Variants in RIN2 observed in about 807,000 individuals in gnomAD.
RIN2 encodes the protein RAB5 interacting protein 2.
RIN2 carries 36 observed loss-of-function variants against 78.0 expected under a neutral mutation model. The ratio of observed to expected loss-of-function variants is 0.46; its 90% confidence interval spans 0.35 to 0.61. The LOEUF is 0.61. RIN2 is among the 20% of genes least tolerant of loss of function. RIN2 has a pLI of 0.00. For missense variants in RIN2, 1,087 were observed against 1,159.7 expected, an observed-to-expected ratio of 0.94 and a Z score of 0.91; for synonymous variants, 466 against 466.8, an observed-to-expected ratio of 1.00 and a Z score of 0.02.
intron 2 of RIN2, among the ~76,000 whole-genome samples, chr20:19,827,965 T>A (rs747046082): frequency 2.0e-5 from 3 of 152,188 alleles, no homozygotes; most frequent in African/African-American, 7.2e-5. Context: ...TCCAGCACAC[T>A]GTTTGGGGTA....
intron 4 of RIN2, among the ~76,000 whole-genome samples, 174 bp from the exon 5 acceptor site, chr20:19,956,441 A>T (rs2041541946): frequency 6.6e-6 from 1 of 152,068 alleles, no homozygotes; most frequent in Admixed American, 6.6e-5. Context: ...GTAAAATAAA[A>T]CATTGTGTCT....
Position 19,889,662 on chromosome 20 carries a change from AAAGG to A in RIN2, c.57+8_57+11del, listed in dbSNP as rs751151646. 3 of 1,497,642 alleles carry A rather than the reference AAAGG, an allele frequency of 2.0e-6. No homozygotes were observed. The highest frequency in any genetic ancestry group is 2.7e-6 in the Non-Finnish European group (3 of 1,116,434). The allele number at this position is 1,497,642 out of a possible 1,614,324, so 92.8% of individuals were successfully genotyped here. A position where few individuals can be genotyped will look rare whatever the true frequency, so the allele number is the denominator to read the frequency against. On this transcript the variant is annotated splice_donor_5th_base_variant and intron_variant, in intron 3 of 12. Transcript: ENST00000255006. ...CAAGCGAGGAAGTTTCTTTAAGGTA[AAAGG>A]AAGCCTTGATTGGGATCTCAACTCG...
At chr20:19,958,309 A>G (rs1477732858) in intron 5 of RIN2, among the ~76,000 whole-genome samples, 1 of 152,250 alleles carries the variant, frequency 6.6e-6, no homozygotes, top group Non-Finnish European at 1.5e-5. Flanking sequence ...TGTGAAGCCT[A>G]ACTTTCAGCC....
At chr20:19,789,174 G>A (rs979081432) in intron 1 of RIN2, among the ~76,000 whole-genome samples, 7 of 152,158 alleles carry the variant, frequency 4.6e-5, no homozygotes, top group Non-Finnish European at 8.8e-5. Flanking sequence ...GTGGAGGCGG[G>A]AGAAGAGTCT....
intron 8 of RIN2, among the ~76,000 whole-genome samples, chr20:19,973,537 C>T (rs1284018124): frequency 1.3e-5 from 2 of 152,156 alleles, no homozygotes; most frequent in African/African-American, 4.8e-5. Flanking sequence ...TCCTGTAATC[C>T]CAGCACTTTG....
At chr20:19,965,329 C>T (rs559991266) in intron 7 of RIN2, among the ~76,000 whole-genome samples, 5 of 152,304 alleles carry the variant, frequency 3.3e-5, no homozygotes, top group East Asian at 1.9e-4. Context: ...CACACACACA[C>T]GCACATATGT....
At chr20:19,903,942 G>A (rs1379975306) in intron 3 of RIN2, among the ~76,000 whole-genome samples, 1 of 152,100 alleles carries the variant, frequency 6.6e-6, no homozygotes, top group East Asian at 1.9e-4. Context: ...GCCGGTAATT[G>A]CAGGTGTTCA....
intron 4 of RIN2, among the ~76,000 whole-genome samples, chr20:19,947,022 TAAAAA>T (rs35136029): frequency 8.6e-6 from 1 of 116,164 alleles, no homozygotes; most frequent in African/African-American, 3.2e-5. Context: ...CAGACTGTCT[TAAAAA>T]AAAAAAAAAA....
intron 2 of RIN2, among the ~76,000 whole-genome samples, chr20:19,888,832 C>T (rs549852636): frequency 2.0e-5 from 3 of 152,252 alleles, no homozygotes; most frequent in African/African-American, 7.2e-5. Context: ...GCTTTGTGAC[C>T]CAAAGGGAAG....
intron 3 of RIN2, among the ~76,000 whole-genome samples, chr20:19,918,002 T>C (rs2039754622): frequency 6.6e-6 from 1 of 152,222 alleles, no homozygotes; most frequent in African/African-American, 2.4e-5. Flanking sequence ...ATATACACAT[T>C]CAGATTGTCT....
chr20:19,976,838 G>A (rs1373915108), intron 9 of RIN2, among the ~76,000 whole-genome samples: 4 of 151,070 alleles, frequency 2.6e-5, no homozygotes, highest in Admixed American at 2.0e-4. Flanking sequence ...CTCTTTCTCT[G>A]TCTCTCTCTC....
intron 2 of RIN2, among the ~76,000 whole-genome samples, chr20:19,831,577 T>C (rs1229974061): frequency 2.6e-5 from 4 of 152,286 alleles, no homozygotes; most frequent in African/African-American, 9.6e-5. Flanking sequence ...ATAGGAAGAG[T>C]AGACCGAGAT....
intron 3 of RIN2, among the ~76,000 whole-genome samples, chr20:19,903,533 C>T (rs2039080859): frequency 6.6e-6 from 1 of 152,130 alleles, no homozygotes; most frequent in Non-Finnish European, 1.5e-5. Context: ...GGGTTCTGTT[C>T]CGGGACAGCT....
At chr20:19,808,566 G>A (rs1340776720) in intron 2 of RIN2, among the ~76,000 whole-genome samples, 1 of 152,194 alleles carries the variant, frequency 6.6e-6, no homozygotes, top group Non-Finnish European at 1.5e-5. Context: ...TAAAGCACGA[G>A]GTGCCTCCCC....
intron 1 of RIN2, among the ~76,000 whole-genome samples, chr20:19,789,989 A>G (rs910514967): frequency 6.6e-6 from 1 of 152,082 alleles, no homozygotes; most frequent in African/African-American, 2.4e-5. Flanking sequence ...TTTCCTAAAC[A>G]TGGTCACATA....
intron 3 of RIN2, among the ~76,000 whole-genome samples, chr20:19,920,988 GTTGT>G (rs34625955): frequency 3.2e-4 from 49 of 151,610 alleles, no homozygotes; most frequent in South Asian, 8.3e-4. Context: ...AGTTTTTTGG[GTTGT>G]TTGTTTGTTT....
intron 3 of RIN2, among the ~76,000 whole-genome samples, chr20:19,900,431 T>C (rs2123620429): frequency 6.6e-6 from 1 of 151,248 alleles, no homozygotes; most frequent in African/African-American, 2.4e-5. Flanking sequence ...TGCAGTGAGC[T>C]GAGATTGTGC....
intron 3 of RIN2, among the ~76,000 whole-genome samples, chr20:19,929,341 TTTTGTTTGTTTG>T (rs138773030): frequency 6.6e-6 from 1 of 151,662 alleles, no homozygotes; most frequent in African/African-American, 2.4e-5. Flanking sequence ...TGTTTTTGGG[TTTTGTTTGTTTG>T]TTTGTTTGTT....
chr20:19,834,669 C>T (rs1022303800), intron 2 of RIN2, among the ~76,000 whole-genome samples: 5 of 152,188 alleles, frequency 3.3e-5, no homozygotes, highest in Non-Finnish European at 5.9e-5. Context: ...GAATGATCTT[C>T]GGTCTTTTTA....
Sources: allele counts gnomAD v4.1 joint callset (sites outside exome capture counted in the v4.1 genomes callset), GRCh38; gene constraint gnomAD v4.1.1; transcripts MANE v1.5; gene names NCBI Gene and HGNC (gene_info 2026-07-23, HGNC 2026-07-21).